Variants in SCAPER observed in about 807,000 individuals in gnomAD.
SCAPER encodes S-phase cyclin A associated protein in the ER, also known as S phase cyclin A-associated protein in the endoplasmic reticulum.
SCAPER carries 98 observed loss-of-function variants against 182.2 expected under a neutral mutation model. The observed-to-expected ratio is 0.54, with a 90% CI of 0.46 to 0.64. The LOEUF (loss-of-function observed/expected upper bound fraction) is 0.64. Among genes scored for constraint, SCAPER ranks in the 30% least tolerant of loss-of-function variants. SCAPER has a pLI of 0.00. For synonymous variants in SCAPER, 605 were observed against 564.6 expected, an observed-to-expected ratio of 1.07 and a Z score of -1.01; for missense variants, 1,432 against 1,690.0, an observed-to-expected ratio of 0.85 and a Z score of 2.68.
chr15:76,855,841 C>T (rs1278610798), intron 4 of SCAPER: 1 of 435,944 alleles, frequency 2.3e-6, no homozygotes, highest in South Asian at 1.6e-5. Context: ...ATTAGTTCGG[C>T]CATTATGGAA....
intron 17 of SCAPER, among the ~76,000 whole-genome samples, chr15:76,720,396 A>C (rs908881769): frequency 4.2e-4 from 64 of 152,200 alleles, no homozygotes; most frequent in South Asian, 1.5e-3. Context: ...CATACATGTG[A>C]ATGTGTCTTT....
intron 22 of SCAPER, among the ~76,000 whole-genome samples, chr15:76,577,613 C>T (rs2047940532): frequency 6.6e-6 from 1 of 152,028 alleles, no homozygotes; most frequent in Non-Finnish European, 1.5e-5. Context: ...AGGGAATGGG[C>T]TACCTTAAAG....
At chr15:76,819,197 G>T (rs142095757) in intron 5 of SCAPER, among the ~76,000 whole-genome samples, 4 of 152,236 alleles carry the variant, frequency 2.6e-5, no homozygotes, top group African/African-American at 9.6e-5. Flanking sequence ...AGTAGCCTCT[G>T]CAGACTTTAA....
intron 28 of SCAPER, 114 bp from the exon 29 acceptor site, chr15:76,376,425 C>T: frequency 8.7e-7 from 1 of 1,143,440 alleles, no homozygotes; most frequent in Non-Finnish European, 1.2e-6. Flanking sequence ...AAAAACATGA[C>T]ATTTCTACAG....
chr15:76,404,751 G>T, intron 26 of SCAPER, 72 bp from the exon 27 acceptor site: 1 of 1,500,762 alleles, frequency 6.7e-7, no homozygotes, highest in Non-Finnish European at 9.1e-7. Flanking sequence ...AATGATAAAT[G>T]CTACCATACA....
intron 15 of SCAPER, among the ~76,000 whole-genome samples, chr15:76,749,662 T>C (rs1013895919): frequency 2.0e-5 from 3 of 151,974 alleles, no homozygotes; most frequent in African/African-American, 4.8e-5. Context: ...CAAAATATCA[T>C]TGAATATACC....
intron 20 of SCAPER, among the ~76,000 whole-genome samples, chr15:76,681,792 G>A (rs781001505): frequency 1.6e-4 from 24 of 152,160 alleles, no homozygotes; most frequent in Non-Finnish European, 3.2e-4. Flanking sequence ...TGCTTAGAGG[G>A]GCGGTAGGGG....
chr15:76,632,162 T>G (rs1004121858), intron 21 of SCAPER, among the ~76,000 whole-genome samples: 1 of 152,094 alleles, frequency 6.6e-6, no homozygotes, highest in African/African-American at 2.4e-5. Context: ...CTCTAACTGG[T>G]TATTCTGGGT....
At chr15:76,733,179 A>C in intron 16 of SCAPER, 50 bp downstream of exon 16, 1 of 1,530,764 alleles carries the variant, frequency 6.5e-7, no homozygotes, top group South Asian at 1.2e-5. Context: ...GCTGGACCCT[A>C]CAAATATGAC....
chr15:76,409,647 G>T (rs1046509879), intron 26 of SCAPER, among the ~76,000 whole-genome samples: 10 of 150,776 alleles, frequency 6.6e-5, no homozygotes, highest in Admixed American at 1.3e-4. Flanking sequence ...TTGTTTCTTT[G>T]TCCATCCTTG....
At chr15:76,784,274 T>A (rs1306492199) in intron 8 of SCAPER, among the ~76,000 whole-genome samples, 1 of 152,074 alleles carries the variant, frequency 6.6e-6, no homozygotes, top group Non-Finnish European at 1.5e-5. Flanking sequence ...ATGAGTGAAC[T>A]CCCATTCACA....
intron 21 of SCAPER, among the ~76,000 whole-genome samples, chr15:76,651,365 G>T (rs1039447308): frequency 6.6e-6 from 1 of 152,076 alleles, no homozygotes; most frequent in African/African-American, 2.4e-5. Context: ...TTCAATGCAA[G>T]CACACAATCT....
rs775478137 is a variant in SCAPER, at chr15:76,654,339, C to T, written c.2645+11314G>A. Among the ~76,000 whole-genome samples, 9 of 151,330 alleles carry T rather than the reference C, an allele frequency of 5.9e-5. 1 individual carries two copies. Among genetic ancestry groups the T allele is most frequent in the African/African-American group, 2.2e-4 (9 of 41,224 alleles). On this transcript the variant is annotated intron_variant, in intron 21 of 31. Transcript: ENST00000563290. ...AGGAGAATGGCGTGAACCCGGGAGG[C>T]GGAGCTTGCAGTGAGCCGAGATCAC... is the stretch of plus-strand genomic sequence containing the variant.
intron 23 of SCAPER, among the ~76,000 whole-genome samples, chr15:76,511,851 G>A (rs1471495343): frequency 6.2e-5 from 6 of 97,132 alleles, no homozygotes; most frequent in African/African-American, 2.4e-4. Flanking sequence ...ATATGTGTGT[G>A]TGTGTGTGTG....
chr15:76,379,070 G>C (rs1424070656), intron 28 of SCAPER, among the ~76,000 whole-genome samples: 4 of 152,150 alleles, frequency 2.6e-5, no homozygotes, highest in Non-Finnish European at 5.9e-5. Context: ...AAGCTCATCT[G>C]TTTGTTTTTA....
intron 23 of SCAPER, among the ~76,000 whole-genome samples, chr15:76,519,462 C>CTTA (rs1703249538): frequency 6.6e-6 from 1 of 152,120 alleles, no homozygotes; most frequent in Non-Finnish European, 1.5e-5. Flanking sequence ...GGTAGAAAGA[C>CTTA]CATTTAAGGT....
intron 4 of SCAPER, among the ~76,000 whole-genome samples, chr15:76,849,842 G>A (rs2070535311): frequency 2.6e-5 from 4 of 152,212 alleles, no homozygotes; most frequent in Admixed American, 2.0e-4. Context: ...CCATATGGCT[G>A]GAGAGCCCTC....
intron 21 of SCAPER, among the ~76,000 whole-genome samples, chr15:76,629,455 A>T (rs1388168496): frequency 6.6e-6 from 1 of 152,142 alleles, no homozygotes; most frequent in Non-Finnish European, 1.5e-5. Context: ...GTTTATTGAG[A>T]GTTTTTGACA....
chr15:76,479,579 T>C (rs993915186), intron 24 of SCAPER, among the ~76,000 whole-genome samples: 3 of 152,124 alleles, frequency 2.0e-5, no homozygotes, highest in Non-Finnish European at 4.4e-5. Flanking sequence ...CATCATAAAA[T>C]TGGGTCTTTT....
Sources: allele counts gnomAD v4.1 joint callset (sites outside exome capture counted in the v4.1 genomes callset), GRCh38; gene constraint gnomAD v4.1.1; transcripts MANE v1.5; gene names NCBI Gene and HGNC (gene_info 2026-07-23, HGNC 2026-07-21).